ZFPM2: variants seen among roughly 807,000 people sequenced by gnomAD.
ZFPM2 encodes the protein zinc finger protein ZFPM2.
A neutral mutation model predicts 98.6 loss-of-function variants in ZFPM2; 20 were observed. The observed-to-expected ratio is 0.20, with a 90% confidence interval of 0.14 to 0.29. The LOEUF is 0.29. Among genes scored for constraint, ZFPM2 ranks in the 10% least tolerant of loss-of-function variants. The pLI, the probability that ZFPM2 is intolerant of heterozygous loss-of-function variation, is 1.00. For missense variants in ZFPM2, 1,310 were observed against 1,388.6 expected (o/e 0.94, Z 0.90); for synonymous variants, 518 against 502.7 (o/e 1.03, Z -0.41).
At position 105,476,284 on chromosome 8, in the gene ZFPM2, C is replaced by A. The variant is rs576302538; in HGVS notation, c.301+31903C>A. 5.3e-5 allele frequency among the ~76,000 whole-genome samples: 8 copies of A among 152,258 alleles called. No individual in the cohort carries two copies. In the East Asian group the frequency reaches 1.5e-3, roughly 29 times the overall value. ...GCCGGGCTGCACAGCAGGTGAGTGGCGGGCGAGTGAGCATTACTGTCTGAG... is the reference window on the plus strand; with the variant it reads ...GCCGGGCTGCACAGCAGGTGAGTGGAGGGCGAGTGAGCATTACTGTCTGAG... On this transcript the variant is annotated intron_variant, in intron 3 of 7. Transcript: ENST00000407775.
At chr8:105,435,174 C>G (rs1251771626) in intron 2 of ZFPM2, among the ~76,000 whole-genome samples, 1 of 151,968 alleles carries the variant, frequency 6.6e-6, no homozygotes, top group Non-Finnish European at 1.5e-5. Context: ...ATTCTGAAAC[C>G]TAGACTAAGA....
intron 4 of ZFPM2, among the ~76,000 whole-genome samples, chr8:105,612,791 A>T (rs190882104): frequency 6.6e-6 from 1 of 152,318 alleles, no homozygotes; most frequent in African/African-American, 2.4e-5. Context: ...TGTGCCTGTA[A>T]CATTTCAGCA....
intron 2 of ZFPM2, among the ~76,000 whole-genome samples, chr8:105,432,357 T>C (rs1240708148): frequency 1.3e-5 from 2 of 152,146 alleles, no homozygotes; most frequent in Non-Finnish European, 2.9e-5. Context: ...GAACTAGTGT[T>C]ATATAAAGGG....
chr8:105,699,857 C>T (rs988050012), intron 5 of ZFPM2, among the ~76,000 whole-genome samples: 1 of 151,982 alleles, frequency 6.6e-6, no homozygotes, highest in African/African-American at 2.4e-5. Context: ...TTATTGTTGT[C>T]TTAGACTAAT....
intron 1 of ZFPM2, among the ~76,000 whole-genome samples, chr8:105,384,694 G>A (rs1810950556): frequency 6.6e-6 from 1 of 152,080 alleles, no homozygotes; most frequent in Non-Finnish European, 1.5e-5. Context: ...GAAATTCAAA[G>A]GAATGCTAAG....
At chr8:105,396,673 C>T (rs1811226001) in intron 1 of ZFPM2, among the ~76,000 whole-genome samples, 1 of 152,162 alleles carries the variant, frequency 6.6e-6, no homozygotes, top group African/African-American at 2.4e-5. Flanking sequence ...GTTTATCATG[C>T]TTTACTTTTT....
At chr8:105,793,011 C>G (rs577069291) in intron 6 of ZFPM2, among the ~76,000 whole-genome samples, 6 of 152,124 alleles carry the variant, frequency 3.9e-5, no homozygotes, top group African/African-American at 1.4e-4. Flanking sequence ...CTGAATACAA[C>G]ACACTGATGA....
chr8:105,633,203 C>T (rs1816784210), intron 4 of ZFPM2, among the ~76,000 whole-genome samples: 1 of 152,186 alleles, frequency 6.6e-6, no homozygotes, highest in African/African-American at 2.4e-5. Flanking sequence ...TTTGTGATAG[C>T]ATGCATCATG....
chr8:105,380,270 A>G (rs1810820636), intron 1 of ZFPM2, among the ~76,000 whole-genome samples: 2 of 152,180 alleles, frequency 1.3e-5, no homozygotes, highest in South Asian at 4.2e-4. Flanking sequence ...ATTATAGCCT[A>G]CAATATAAGT....
chr8:105,579,632 G>A (rs984414908), intron 4 of ZFPM2, among the ~76,000 whole-genome samples: 4 of 152,128 alleles, frequency 2.6e-5, no homozygotes, highest in African/African-American at 9.7e-5. Context: ...AGAGCATATC[G>A]TGGGTGTGTG....
chr8:105,448,838 T>C (rs540997075), intron 3 of ZFPM2, among the ~76,000 whole-genome samples: 1 of 152,140 alleles, frequency 6.6e-6, no homozygotes, highest in South Asian at 2.1e-4. Flanking sequence ...TAAGTGGTCT[T>C]CCCTTACCCT....
chr8:105,625,984 G>GAGAA (rs947280262), intron 4 of ZFPM2, among the ~76,000 whole-genome samples: 2 of 143,824 alleles, frequency 1.4e-5, no homozygotes, highest in African/African-American at 5.2e-5. Context: ...AAAAAAAAAA[G>GAGAA]AGAAAGAAAG....
At chr8:105,585,662 T>C (rs144061539) in intron 4 of ZFPM2, among the ~76,000 whole-genome samples, 29 of 152,268 alleles carry the variant, frequency 1.9e-4, no homozygotes, top group African/African-American at 6.7e-4. Context: ...GCAATTACTA[T>C]ACAGTAGGCA....
intron 5 of ZFPM2, among the ~76,000 whole-genome samples, chr8:105,783,003 C>T (rs1488529233): frequency 6.6e-6 from 1 of 151,406 alleles, no homozygotes; most frequent in African/African-American, 2.4e-5. Flanking sequence ...AATCAAGTAA[C>T]CAGGAACTAA....
At chr8:105,453,894 A>C (rs1196504297) in intron 3 of ZFPM2, among the ~76,000 whole-genome samples, 2 of 152,038 alleles carry the variant, frequency 1.3e-5, no homozygotes, top group Admixed American at 6.6e-5. Context: ...CAAAGTGTCT[A>C]GAGTATTTTA....
intron 3 of ZFPM2, among the ~76,000 whole-genome samples, chr8:105,451,073 C>T (rs1182065211): frequency 6.6e-6 from 1 of 151,986 alleles, no homozygotes; most frequent in Non-Finnish European, 1.5e-5. Context: ...TTTATTATTA[C>T]TATTATGATG....
intron 4 of ZFPM2, among the ~76,000 whole-genome samples, chr8:105,620,384 A>AT (rs1473940646): frequency 7.9e-5 from 12 of 151,346 alleles, no homozygotes; most frequent in African/African-American, 2.2e-4. Flanking sequence ...GGGTTGTTTG[A>AT]TTTTTTCTTG....
At chr8:105,670,438 G>T (rs1271025586) in intron 5 of ZFPM2, among the ~76,000 whole-genome samples, 1 of 145,826 alleles carries the variant, frequency 6.9e-6, no homozygotes, top group Non-Finnish European at 1.5e-5. Context: ...GGAGCTTGCA[G>T]TGAGCCGAGA....
At chr8:105,782,826 T>C (rs991494716) in intron 5 of ZFPM2, among the ~76,000 whole-genome samples, 2 of 152,162 alleles carry the variant, frequency 1.3e-5, no homozygotes, top group Non-Finnish European at 1.5e-5. Flanking sequence ...ACCATTAATA[T>C]GGATTAGTGT....
Sources: gnomAD v4.1 joint callset for allele counts (sites outside exome capture counted in the v4.1 genomes callset) on GRCh38, gnomAD v4.1.1 for gene constraint, MANE v1.5 for transcripts, NCBI Gene and HGNC (gene_info 2026-07-23, HGNC 2026-07-21) for gene names.